The following CD200R1 variants were observed in gnomAD, a reference collection of about 807,000 sequenced individuals.
The protein encoded by CD200R1 is cell surface glycoprotein CD200 receptor 1.
A neutral mutation model predicts 38.1 loss-of-function variants in CD200R1; 30 were observed. The ratio of observed to expected loss-of-function variants is 0.79; its 90% CI spans 0.59 to 1.07. The LOEUF is 1.07. Ranked by LOEUF, CD200R1 falls within the 50% of genes least tolerant of loss-of-function variation. CD200R1 has a pLI of 0.00. For missense variants in CD200R1, 372 were observed against 415.4 expected, an observed-to-expected ratio of 0.90 and a Z score of 0.91; for synonymous variants, 128 against 152.1, an observed-to-expected ratio of 0.84 and a Z score of 1.16.
chr3:112,954,741 C>T (rs1229895683), intron 1 of CD200R1, among the ~76,000 whole-genome samples: 1 of 152,202 alleles, frequency 6.6e-6, no homozygotes, highest in Non-Finnish European at 1.5e-5. Flanking sequence ...TTCTGCACCC[C>T]TTCCCACATG....
intron 1 of CD200R1, among the ~76,000 whole-genome samples, chr3:112,952,443 A>G (rs888663820): frequency 2.0e-5 from 3 of 152,210 alleles, no homozygotes; most frequent in Non-Finnish European, 4.4e-5. Flanking sequence ...ACACCATGGA[A>G]TACTATGCAG....
chr3:112,930,660 C>G (rs76242390), intron 3 of CD200R1, among the ~76,000 whole-genome samples: 6,703 of 152,256 alleles, frequency 0.044, 199 homozygotes, highest in African/African-American at 0.08. Flanking sequence ...ATAGCATAAG[C>G]AGAATCAGCT....
In CD200R1 at chr3:112,944,687, G is replaced by A. The variant is rs967502999; in HGVS notation, c.136+3169C>T. Among the ~76,000 whole-genome samples the A allele has an allele frequency of 1.1e-4, 17 of 152,088 alleles. No homozygotes were observed. In the South Asian group the frequency reaches 1.7e-3, roughly 15 times the overall value. On this transcript the variant is annotated intron_variant, in intron 2 of 7. Transcript: ENST00000308611. ...AATAAAAGGGATCAAGATCAGTAAC[G>A]AAGAAATAAAACTGTCTTTGTTCAT... is the stretch of plus-strand genomic sequence containing the variant.
rs1344877215 is a variant in CD200R1, at chr3:112,942,411, T to A, written c.136+5445A>T. 4.0e-5 allele frequency among the ~76,000 whole-genome samples: 6 copies of A among 151,802 alleles called. No homozygotes were observed. The East Asian group carries it at 1.2e-3, about 29-fold the overall frequency. On this transcript the variant is annotated intron_variant, in intron 2 of 7. Transcript: ENST00000308611. ...TTTGAAAGTTAATTTGGATTCATTA[T>A]AAATGTATATTGCAAGCTCAAGTGA... is the stretch of plus-strand genomic sequence containing the variant.
At chr3:112,946,162 C>T (rs1388049809) in intron 2 of CD200R1, among the ~76,000 whole-genome samples, 1 of 151,990 alleles carries the variant, frequency 6.6e-6, no homozygotes, top group Non-Finnish European at 1.5e-5. Flanking sequence ...TGCTCATATC[C>T]CTTGTATAAA....
At chr3:112,962,091 A>G (rs1327023236) in intron 1 of CD200R1, among the ~76,000 whole-genome samples, 2 of 152,208 alleles carry the variant, frequency 1.3e-5, no homozygotes, top group Non-Finnish European at 2.9e-5. Flanking sequence ...CTACTTTTTA[A>G]GGCAATATAA....
intron 3 of CD200R1, 81 bp downstream of exon 3, chr3:112,931,025 A>G: frequency 1.0e-6 from 1 of 1,001,312 alleles, no homozygotes; most frequent in South Asian, 1.3e-5. Context: ...GCTGGCTTCC[A>G]GTCAGGTCAT....
chr3:112,944,392 T>C (rs1050939555), intron 2 of CD200R1, among the ~76,000 whole-genome samples: 3 of 151,978 alleles, frequency 2.0e-5, no homozygotes, highest in Admixed American at 6.5e-5. Flanking sequence ...AATATGATCA[T>C]TTCCATAGAT....
At chr3:112,946,139 C>G (rs1159989722) in intron 2 of CD200R1, among the ~76,000 whole-genome samples, 3 of 151,608 alleles carry the variant, frequency 2.0e-5, no homozygotes, top group African/African-American at 7.3e-5. Context: ...CCATGGATAC[C>G]AAAATCCACA....
At chr3:112,960,969 A>G (rs143009404) in intron 1 of CD200R1, among the ~76,000 whole-genome samples, 9 of 152,188 alleles carry the variant, frequency 5.9e-5, no homozygotes, top group African/African-American at 2.2e-4. Context: ...TGTATGTTTC[A>G]TGTTCCGACA....
intron 1 of CD200R1, among the ~76,000 whole-genome samples, chr3:112,954,986 A>C (rs569566460): frequency 3.3e-5 from 5 of 152,180 alleles, no homozygotes; most frequent in Non-Finnish European, 5.9e-5. Context: ...AATTGAATTG[A>C]ATCAGGATAC....
chr3:112,968,114 G>A (rs1933213154), intron 1 of CD200R1, among the ~76,000 whole-genome samples: 1 of 152,046 alleles, frequency 6.6e-6, no homozygotes, highest in African/African-American at 2.4e-5. Flanking sequence ...CCAACACAGA[G>A]TTATATTTGT....
chr3:112,968,689 GAC>G (rs1219749700), intron 1 of CD200R1, among the ~76,000 whole-genome samples: 1 of 152,176 alleles, frequency 6.6e-6, no homozygotes, highest in Non-Finnish European at 1.5e-5. Context: ...TCTGAAAAGT[GAC>G]AGAGTCAGAG....
Position 112,974,910 on chromosome 3 carries a change from A to G in CD200R1, c.-53T>C. On this transcript the variant is annotated 5_prime_UTR_variant, in exon 1 of 8. Coordinates refer to ENST00000308611, the MANE Select transcript of CD200R1 (RefSeq NM_138806.4). ...CTCAGTACTTTTCCTCCACACAGGT[A>G]CAGAAGGAACTGTGCGCATGGTGAG... is the stretch of plus-strand genomic sequence containing the variant. The G allele has an allele frequency of 7.2e-7, 1 of 1,380,776 alleles. No homozygotes were observed. Among genetic ancestry groups the G allele is most frequent in the East Asian group, 2.3e-5 (1 of 43,558 alleles). 85.5% of individuals were successfully genotyped at this position (1,380,776 alleles called of 1,614,324 possible).
chr3:112,925,069 A>T lies in CD200R1; in HGVS notation c.878+16T>A, dbSNP rs1252126158. ...TAATAAAGCTGAAGAAGAAAAAAACATTCATTAGTCAATACCTGCAGCCAT... is the reference window on the plus strand; with the variant it reads ...TAATAAAGCTGAAGAAGAAAAAAACTTTCATTAGTCAATACCTGCAGCCAT... On this transcript the variant is annotated intron_variant, in intron 6 of 7. Coordinates refer to ENST00000308611, the MANE Select transcript of CD200R1 (RefSeq NM_138806.4). 7.0e-7 allele frequency: 1 copy of T among 1,437,286 alleles called. No individual in the cohort carries two copies. The highest frequency in any genetic ancestry group is 1.4e-5 in the African/African-American group (1 of 71,262). 89.0% of individuals were successfully genotyped at this position (1,437,286 alleles called of 1,614,324 possible). A position where few individuals can be genotyped will look rare whatever the true frequency, so the allele number is the denominator to read the frequency against.
chr3:112,965,424 AAG>A (rs1410710439), intron 1 of CD200R1, among the ~76,000 whole-genome samples: 2 of 152,162 alleles, frequency 1.3e-5, no homozygotes, highest in African/African-American at 4.8e-5. Context: ...TTAAACTTGA[AAG>A]AGAGAGAGAT....
chr3:112,928,459 G>C (rs916067853), intron 5 of CD200R1, among the ~76,000 whole-genome samples: 2 of 152,064 alleles, frequency 1.3e-5, no homozygotes, highest in East Asian at 3.9e-4. Flanking sequence ...ATTCATAAAA[G>C]CAACTTTGAG....
chr3:112,940,794 C>T (rs114526139), intron 2 of CD200R1, among the ~76,000 whole-genome samples: 2 of 151,596 alleles, frequency 1.3e-5, no homozygotes, highest in Non-Finnish European at 3.0e-5. Context: ...CAATCTTGCT[C>T]GTAAACATTT....
intron 1 of CD200R1, among the ~76,000 whole-genome samples, chr3:112,966,097 C>A (rs1933153950): frequency 6.6e-6 from 1 of 152,158 alleles, no homozygotes; most frequent in East Asian, 1.9e-4. Context: ...CTCTCAGAAA[C>A]CTTACCATCT....
Sources: gnomAD v4.1 joint callset for allele counts (sites outside exome capture counted in the v4.1 genomes callset) on GRCh38, gnomAD v4.1.1 for gene constraint, MANE v1.5 for transcripts, NCBI Gene and HGNC (gene_info 2026-07-23, HGNC 2026-07-21) for gene names.